SYT2: variants seen among roughly 807,000 people sequenced by gnomAD.
The protein encoded by SYT2 is synaptotagmin-2.
SYT2 carries 15 observed loss-of-function variants against 39.9 expected under a neutral mutation model. That is an observed-to-expected ratio of 0.38 (90% CI 0.25 to 0.58). The LOEUF (loss-of-function observed/expected upper bound fraction) is 0.58, where lower values mean the gene tolerates loss of function less well. Ranked by LOEUF, SYT2 falls within the 20% of genes least tolerant of loss-of-function variation. SYT2 has a pLI of 0.70. For synonymous variants in SYT2, 181 were observed against 204.5 expected, an observed-to-expected ratio of 0.89 and a Z score of 0.98; for missense variants, 389 against 530.3, an observed-to-expected ratio of 0.73 and a Z score of 2.62.
Position 202,596,310 on chromosome 1 carries a change from CA to C in SYT2, c.*446del, listed in dbSNP as rs1558419502. ...ACACACACACACACACACACACATA[CA>C]CACACACACACACACACACACACAC... On this transcript the variant is annotated 3_prime_UTR_variant, in exon 9 of 9. Transcript: ENST00000367268. 2 of 149,802 alleles carry C rather than the reference CA, an allele frequency of 1.3e-5. No individual in the cohort carries two copies. The highest frequency in any genetic ancestry group is 9.7e-5 in the African/African-American group (2 of 20,666). 9.3% of individuals were successfully genotyped at this position (149,802 alleles called of 1,614,324 possible). A position where few individuals can be genotyped will look rare whatever the true frequency, so the allele number is the denominator to read the frequency against.
intron 1 of SYT2, among the ~76,000 whole-genome samples, chr1:202,651,936 T>C (rs1463648995): frequency 6.6e-6 from 1 of 152,174 alleles, no homozygotes; most frequent in Admixed American, 6.5e-5. Flanking sequence ...TGTGCACCTG[T>C]AGTCCCAGCT....
intron 1 of SYT2, among the ~76,000 whole-genome samples, chr1:202,701,016 C>A (rs369937511): frequency 1.1e-4 from 17 of 152,236 alleles, no homozygotes; most frequent in East Asian, 3.9e-4. Context: ...TATTGGCTTG[C>A]CGAATTGTGA....
chr1:202,677,580 G>A (rs1653409222), intron 1 of SYT2, among the ~76,000 whole-genome samples: 1 of 152,300 alleles, frequency 6.6e-6, no homozygotes, highest in African/African-American at 2.4e-5. Flanking sequence ...TATGTTGAAA[G>A]TAGATCCTCC....
At chr1:202,658,086 G>A (rs1394493883) in intron 1 of SYT2, among the ~76,000 whole-genome samples, 1 of 152,034 alleles carries the variant, frequency 6.6e-6, no homozygotes, top group Non-Finnish European at 1.5e-5. Flanking sequence ...TCCTCTCTGG[G>A]TCTCAGGTTC....
intron 1 of SYT2, among the ~76,000 whole-genome samples, chr1:202,669,454 A>C (rs1692541472): frequency 6.6e-6 from 1 of 152,076 alleles, no homozygotes; most frequent in African/African-American, 2.4e-5. Flanking sequence ...GTTCAAGACC[A>C]GTCTGGCCAA....
In SYT2 at chr1:202,605,390, G is replaced by A. The variant is rs549545478; in HGVS notation, c.178+205C>T. ...ACTTTTCTTCCCCTGAGAAGTTGACGCACATAAACCCCCTTGTTTGCCACA... is the reference window on the plus strand; with the variant it reads ...ACTTTTCTTCCCCTGAGAAGTTGACACACATAAACCCCCTTGTTTGCCACA... On this transcript the variant is annotated intron_variant, in intron 2 of 8. Transcript: ENST00000367268. The A allele has an allele frequency of 2.1e-5, 9 of 431,542 alleles. No homozygotes were observed. In the South Asian group the frequency reaches 3.9e-4, roughly 19 times the overall value. 26.7% of individuals were successfully genotyped at this position (431,542 alleles called of 1,614,324 possible). A position where few individuals can be genotyped will look rare whatever the true frequency, so the allele number is the denominator to read the frequency against.
intron 1 of SYT2, among the ~76,000 whole-genome samples, chr1:202,646,037 A>T (rs1692075154): frequency 1.3e-5 from 2 of 152,194 alleles, no homozygotes; most frequent in Non-Finnish European, 2.9e-5. Flanking sequence ...TGGATGACTC[A>T]CCCAAGGTCC....
intron 1 of SYT2, among the ~76,000 whole-genome samples, chr1:202,637,757 C>T (rs2149094683): frequency 6.6e-6 from 1 of 152,390 alleles, no homozygotes; most frequent in East Asian, 1.9e-4. Flanking sequence ...CTGCCCCTCC[C>T]TCAGTGCCCG....
rs561267853 is a variant in SYT2 at position 202,603,458 on chromosome 1, C to A, written c.346-340G>T. Among the ~76,000 whole-genome samples the A allele has an allele frequency of 2.0e-5, 3 of 152,220 alleles. No individual in the cohort carries two copies. In the South Asian group the frequency reaches 6.2e-4, roughly 32 times the overall value. ...TGGTGTGGGGGTAGGATTTACTTCC[C>A]TTGTAAGCCCTCTCCCAAACACTTT... On this transcript the variant is annotated intron_variant, in intron 3 of 8. Transcript: ENST00000367268.
At chr1:202,653,751 C>T (rs748074826) in intron 1 of SYT2, among the ~76,000 whole-genome samples, 10 of 152,168 alleles carry the variant, frequency 6.6e-5, no homozygotes, top group South Asian at 4.1e-4. Context: ...GTGACTACAT[C>T]GCCACAACCC....
chr1:202,643,117 G>A (rs551010416), intron 1 of SYT2, among the ~76,000 whole-genome samples: 1 of 152,228 alleles, frequency 6.6e-6, no homozygotes, highest in Non-Finnish European at 1.5e-5. Context: ...AGTTTACCCC[G>A]CAGTGAGCAC....
chr1:202,639,491 CA>C (rs1691840452), intron 1 of SYT2: 1 of 985,188 alleles, frequency 1.0e-6, no homozygotes, highest in Non-Finnish European at 1.2e-6. Context: ...GATGATCCCA[CA>C]GCCCCTTTCA....
At chr1:202,639,829 G>A in intron 1 of SYT2, 9 of 985,442 alleles carry the variant, frequency 9.1e-6, no homozygotes, top group Non-Finnish European at 1.1e-5. Context: ...AGGACGTTGG[G>A]GCATTTTGGG....
intron 1 of SYT2, among the ~76,000 whole-genome samples, chr1:202,664,453 G>A (rs1472118878): frequency 6.6e-6 from 1 of 152,150 alleles, no homozygotes; most frequent in Non-Finnish European, 1.5e-5. Flanking sequence ...TTTGTTAAGT[G>A]TATATGCACT....
chr1:202,606,454 A>C (rs1690710397), intron 1 of SYT2, among the ~76,000 whole-genome samples: 1 of 152,076 alleles, frequency 6.6e-6, no homozygotes, highest in Admixed American at 6.6e-5. Flanking sequence ...CTCTGCCTAG[A>C]ATCTCTGCCC....
intron 1 of SYT2, among the ~76,000 whole-genome samples, chr1:202,705,722 C>CTTTTTT (rs33940077): frequency 6.9e-6 from 1 of 145,154 alleles, no homozygotes. Context: ...TTTGGGAGTC[C>CTTTTTT]TTTTTTTTTT....
chr1:202,642,780 G>T (rs746864213), intron 1 of SYT2, among the ~76,000 whole-genome samples: 1 of 152,186 alleles, frequency 6.6e-6, no homozygotes, highest in Non-Finnish European at 1.5e-5. Context: ...CCTCCTCAGC[G>T]AGGCAGGCGC....
intron 1 of SYT2, among the ~76,000 whole-genome samples, chr1:202,635,883 G>C (rs183954042): frequency 7.2e-5 from 11 of 152,198 alleles, no homozygotes; most frequent in African/African-American, 1.4e-4. Context: ...AGGAGGAAGC[G>C]ACAAGGGCAC....
At chr1:202,689,305 G>A (rs115640020) in intron 1 of SYT2, among the ~76,000 whole-genome samples, 90 of 152,262 alleles carry the variant, frequency 5.9e-4, no homozygotes, top group African/African-American at 2.1e-3. Context: ...GTGTGCACAC[G>A]TGTGCATACA....
Sources: gnomAD v4.1 joint callset for allele counts (sites outside exome capture counted in the v4.1 genomes callset) on GRCh38, gnomAD v4.1.1 for gene constraint, MANE v1.5 for transcripts, NCBI Gene and HGNC (gene_info 2026-07-23, HGNC 2026-07-21) for gene names.